SORBS2: variants seen among roughly 807,000 people sequenced by gnomAD.
SORBS2 encodes the protein sorbin and SH3 domain-containing protein 2.
In SORBS2, 46 loss-of-function variants were observed where a neutral mutation model predicts 97.7. The observed-to-expected ratio is 0.47, with a 90% CI of 0.37 to 0.60. The LOEUF is 0.60. SORBS2 is among the 20% of genes least tolerant of loss of function. The pLI is 0.00. For missense variants in SORBS2, 1,316 were observed against 1,282.3 expected (o/e 1.03, Z -0.40); for synonymous variants, 476 against 473.4 (o/e 1.01, Z -0.07).
chr4:185,615,513 A>T (rs1561426907), intron 9 of SORBS2, among the ~76,000 whole-genome samples: 2 of 143,248 alleles, frequency 1.4e-5, no homozygotes, highest in Non-Finnish European at 3.1e-5. Context: ...TTCTGCACTG[A>T]TTTTTTTTTT....
chr4:185,644,905 G>C (rs972375183), intron 4 of SORBS2, among the ~76,000 whole-genome samples: 1 of 152,098 alleles, frequency 6.6e-6, no homozygotes, highest in Non-Finnish European at 1.5e-5. Flanking sequence ...TTTTAGGTGT[G>C]CGTCTGTTTT....
chr4:185,623,389 T>C lies in SORBS2; in HGVS notation c.1740A>G (p.Arg580=), dbSNP rs766390782. Residue 580 remains arginine, a synonymous_variant, in exon 7 of 15, where the codon AGA becomes AGG. Coordinates refer to ENST00000418609, the Ensembl canonical transcript of SORBS2. The surrounding 1 kb of genome is among the most constrained non-coding windows in gnomAD (Gnocchi z 6.4). ...GCTCCTCGGTGTTTTCGTGTCTGGCTCTTTCGTGTTTTAACATTGTGGTAA... is the reference window on the plus strand; with the variant it reads ...GCTCCTCGGTGTTTTCGTGTCTGGCCCTTTCGTGTTTTAACATTGTGGTAA... 2 of 1,612,560 alleles carry C rather than the reference T, an allele frequency of 1.2e-6. No individual in the cohort carries two copies. Among genetic ancestry groups the C allele is most frequent in the Non-Finnish European group, 1.7e-6 (2 of 1,180,034 alleles).
At chr4:185,595,379 A>C (rs2096061379) in intron 12 of SORBS2, among the ~76,000 whole-genome samples, 1 of 152,138 alleles carries the variant, frequency 6.6e-6, no homozygotes, top group South Asian at 2.1e-4. Flanking sequence ...AAATTGGAAG[A>C]TATTCATATT....
chr4:185,879,178 C>G (rs1436270437), intron 1 of SORBS2, among the ~76,000 whole-genome samples: 3 of 126,104 alleles, frequency 2.4e-5, no homozygotes, highest in African/African-American at 1.0e-4. Context: ...CCCCCCCCCA[C>G]CCCACGACAG....
chr4:185,752,559 A>T (rs1282106336), intron 2 of SORBS2, among the ~76,000 whole-genome samples: 1 of 152,172 alleles, frequency 6.6e-6, no homozygotes, highest in Non-Finnish European at 1.5e-5. Context: ...TACAGGCGTG[A>T]GCCACCGTGC....
chr4:185,710,796 C>T (rs777030525), intron 2 of SORBS2, among the ~76,000 whole-genome samples: 4 of 152,112 alleles, frequency 2.6e-5, no homozygotes, highest in Non-Finnish European at 4.4e-5. Context: ...GGGAGGTGAG[C>T]GGGCACAGTG....
At chr4:185,705,658 G>T (rs2098332659) in intron 2 of SORBS2, among the ~76,000 whole-genome samples, 2 of 152,026 alleles carry the variant, frequency 1.3e-5, no homozygotes, top group Admixed American at 1.3e-4. Context: ...TATACACTCA[G>T]CCTCTAACAA....
chr4:185,713,900 A>G (rs1433234828), intron 2 of SORBS2, among the ~76,000 whole-genome samples: 1 of 152,234 alleles, frequency 6.6e-6, no homozygotes. Flanking sequence ...AAACATCACA[A>G]TCTGACTTTG....
chr4:185,616,281 CG>C (rs1412950347), intron 9 of SORBS2, among the ~76,000 whole-genome samples: 1 of 151,624 alleles, frequency 6.6e-6, no homozygotes, highest in Non-Finnish European at 1.5e-5. Context: ...AAGAATTAAT[CG>C]AAAAAATGGT....
intron 1 of SORBS2, among the ~76,000 whole-genome samples, chr4:185,813,361 C>T (rs546043397): frequency 2.0e-5 from 3 of 152,292 alleles, no homozygotes; most frequent in East Asian, 1.9e-4. Flanking sequence ...ATGCCCGCTC[C>T]CCTTCCTCCC....
intron 2 of SORBS2, among the ~76,000 whole-genome samples, chr4:185,680,617 TC>T (rs2097854416): frequency 6.6e-6 from 1 of 152,126 alleles, no homozygotes; most frequent in South Asian, 2.1e-4. Flanking sequence ...CTGATTTTTT[TC>T]TTGAGGATAG....
chr4:185,897,733 C>T (rs761720614), intron 1 of SORBS2, among the ~76,000 whole-genome samples: 13 of 152,094 alleles, frequency 8.5e-5, no homozygotes, highest in Non-Finnish European at 1.5e-4. Flanking sequence ...CACGAGAGGG[C>T]GTTCAAAAAG....
intron 1 of SORBS2, among the ~76,000 whole-genome samples, chr4:185,778,463 C>T (rs1290715834): frequency 1.3e-5 from 2 of 152,130 alleles, no homozygotes; most frequent in Non-Finnish European, 1.5e-5. Context: ...AAACCTCAGG[C>T]CCCACCCAGA....
chr4:185,659,242 T>C (rs2097467356), upstream of SORBS2, among the ~76,000 whole-genome samples: 1 of 152,170 alleles, frequency 6.6e-6, no homozygotes, highest in East Asian at 1.9e-4. Context: ...ACATAAAATG[T>C]CCCTGAATAA....
chr4:185,928,024 C>G (rs1289961222), intron 1 of SORBS2, among the ~76,000 whole-genome samples: 1 of 151,932 alleles, frequency 6.6e-6, no homozygotes, highest in Non-Finnish European at 1.5e-5. Flanking sequence ...CATTTTTTCC[C>G]TTCTGCTTTA....
chr4:185,630,541 A>T lies in SORBS2; in HGVS notation c.446+8T>A, dbSNP rs1021541868. The T allele has an allele frequency of 2.6e-6, 4 of 1,560,528 alleles. No individual in the cohort carries two copies. Among genetic ancestry groups the T allele is most frequent in the Non-Finnish European group, 3.5e-6 (4 of 1,140,778 alleles). On this transcript the variant is annotated splice_region_variant and intron_variant, in intron 5 of 14. Coordinates refer to ENST00000418609, the Ensembl canonical transcript of SORBS2. ...GAATATTCTGCTACAACATAATAAG[A>T]TTCTTACCTCATGGGTCTTTCCAGG...
At chr4:185,917,160 A>G (rs73021830) in intron 1 of SORBS2, among the ~76,000 whole-genome samples, 26,529 of 152,178 alleles carry the variant, frequency 0.17, 4,363 homozygotes, top group African/African-American at 0.43. Flanking sequence ...GTGGCAGGGA[A>G]GGCACAGAAG....
chr4:185,867,383 C>A (rs2099227506), intron 1 of SORBS2, among the ~76,000 whole-genome samples: 1 of 152,162 alleles, frequency 6.6e-6, no homozygotes, highest in Non-Finnish European at 1.5e-5. Flanking sequence ...CTACTTTAGG[C>A]TTTGAGTTAT....
At chr4:185,627,382 T>A (rs917506601) in intron 5 of SORBS2, among the ~76,000 whole-genome samples, 7 of 152,098 alleles carry the variant, frequency 4.6e-5, no homozygotes, top group African/African-American at 1.7e-4. Flanking sequence ...GCTAATTTTT[T>A]TAAATTTGTT....
Sources: gnomAD v4.1 joint callset for allele counts (sites outside exome capture counted in the v4.1 genomes callset) on GRCh38, gnomAD v4.1.1 for gene constraint, Gnocchi (gnomAD v3.1) non-coding constraint, MANE v1.5 for transcripts, NCBI Gene and HGNC (gene_info 2026-07-23, HGNC 2026-07-21) for gene names.